GAREM1: variants seen among roughly 807,000 people sequenced by gnomAD.
GAREM1 encodes GRB2 associated regulator of MAPK1 subtype 1.
In GAREM1, 26 loss-of-function variants were observed where a neutral mutation model predicts 71.3. That is an observed-to-expected ratio of 0.36 (90% CI 0.27 to 0.51). The LOEUF is 0.51. Ranked by LOEUF, GAREM1 falls within the 20% of genes least tolerant of loss-of-function variation. The pLI is 0.95. For synonymous variants in GAREM1, 440 were observed against 433.2 expected, an observed-to-expected ratio of 1.02 and a Z score of -0.20; for missense variants, 1,026 against 1,103.1, an observed-to-expected ratio of 0.93 and a Z score of 0.99.
Position 32,470,213 on chromosome 18 carries a change from T to A in GAREM1, c.121+95A>T, listed in dbSNP as rs919333190. The A allele has an allele frequency of 1.8e-5, 23 of 1,283,552 alleles. No individual in the cohort carries two copies. Among genetic ancestry groups the A allele is most frequent in the Non-Finnish European group, 2.2e-5 (22 of 1,009,314 alleles). The allele number at this position is 1,283,552 out of a possible 1,614,324, so 79.5% of individuals were successfully genotyped here. On this transcript the variant is annotated intron_variant, in intron 1 of 5. Coordinates refer to ENST00000269209, the MANE Select transcript of GAREM1 (RefSeq NM_001242409.2). This position sits in a 1 kb window ranked among gnomAD's most constrained non-coding sequence, Gnocchi z 4.4. The stretch of plus-strand genomic sequence containing the variant: ...CGGCGCTCAGGGGCGGGCAGCCCAC[T>A]CCCCGCGGGTCCCACCCTCTCCAGC...
intron 3 of GAREM1, among the ~76,000 whole-genome samples, chr18:32,297,903 A>G (rs2047159192): frequency 6.6e-6 from 1 of 152,172 alleles, no homozygotes; most frequent in Admixed American, 6.5e-5. Context: ...TTAAATCAAT[A>G]TTTACTATAT....
At chr18:32,306,758 T>C (rs1470786336) in intron 3 of GAREM1, among the ~76,000 whole-genome samples, 4 of 152,220 alleles carry the variant, frequency 2.6e-5, no homozygotes, top group African/African-American at 7.2e-5. Flanking sequence ...ATTTCTTGTC[T>C]ACCTCCCCTA....
intron 3 of GAREM1, among the ~76,000 whole-genome samples, chr18:32,300,560 G>A (rs1300234825): frequency 6.6e-6 from 1 of 152,130 alleles, no homozygotes; most frequent in Non-Finnish European, 1.5e-5. Flanking sequence ...ATTATGACAA[G>A]AGTAGAATCA....
chr18:32,333,981 T>C (rs1037147004), intron 2 of GAREM1, among the ~76,000 whole-genome samples: 46 of 152,124 alleles, frequency 3.0e-4, no homozygotes, highest in African/African-American at 1.0e-3. Context: ...GGCCAGCCCC[T>C]AGATGGCTCC....
intron 2 of GAREM1, among the ~76,000 whole-genome samples, chr18:32,387,815 G>A (rs1483682630): frequency 1.3e-5 from 2 of 152,140 alleles, no homozygotes; most frequent in Admixed American, 6.5e-5. Context: ...AAAGTTTTAT[G>A]AAATTATTTT....
intron 2 of GAREM1, among the ~76,000 whole-genome samples, chr18:32,340,256 G>A (rs541897003): frequency 3.4e-4 from 52 of 152,338 alleles, no homozygotes; most frequent in African/African-American, 1.1e-3. Context: ...TTCTTGACAA[G>A]TGATGGGTGT....
chr18:32,313,565 A>G (rs2047346076), intron 2 of GAREM1, among the ~76,000 whole-genome samples: 1 of 152,184 alleles, frequency 6.6e-6, no homozygotes, highest in African/African-American at 2.4e-5. Flanking sequence ...GTATATCTGG[A>G]GAGAATAACA....
At chr18:32,377,018 G>A (rs1171834599) in intron 2 of GAREM1, among the ~76,000 whole-genome samples, 1 of 152,140 alleles carries the variant, frequency 6.6e-6, no homozygotes, top group African/African-American at 2.4e-5. Context: ...AGATATCTAT[G>A]AGATAAGTAT....
At chr18:32,418,246 G>A (rs1253096584) in intron 1 of GAREM1, among the ~76,000 whole-genome samples, 2 of 152,186 alleles carry the variant, frequency 1.3e-5, no homozygotes, top group African/African-American at 4.8e-5. Flanking sequence ...TTGTGAGATA[G>A]TCAAAATTAG....
rs370146050 is a variant in GAREM1 at position 32,399,031 on chromosome 18, A to C, written c.122-5996T>G. ...CTGGTTCAACATACGCAAATCAATA[A>C]ATGTAATCCAGCATATAAACAGAAC... is the stretch of plus-strand genomic sequence containing the variant. On this transcript the variant is annotated intron_variant, in intron 1 of 5. Coordinates refer to ENST00000269209, the MANE Select transcript of GAREM1 (RefSeq NM_001242409.2). Among the ~76,000 whole-genome samples, 102 of 152,350 alleles carry C rather than the reference A, an allele frequency of 6.7e-4. 1 individual carries two copies. The East Asian group carries it at 0.018, about 27-fold the overall frequency.
intron 2 of GAREM1, among the ~76,000 whole-genome samples, chr18:32,387,412 T>C (rs1567990477): frequency 6.6e-6 from 1 of 152,162 alleles, no homozygotes; most frequent in Non-Finnish European, 1.5e-5. Flanking sequence ...AATCTTGAGT[T>C]CTGTATTGTA....
intron 2 of GAREM1, among the ~76,000 whole-genome samples, chr18:32,349,509 TC>T (rs2047727644): frequency 6.6e-6 from 1 of 152,188 alleles, no homozygotes; most frequent in Admixed American, 6.5e-5. Context: ...TCTGATAAGT[TC>T]CATCTCCTAC....
At position 32,342,725 on chromosome 18, in the gene GAREM1, A is replaced by G. The variant is rs1598974990; in HGVS notation, c.263-32402T>C. 2.0e-5 allele frequency among the ~76,000 whole-genome samples: 3 copies of G among 152,350 alleles called. No individual in the cohort carries two copies. In the South Asian group the frequency reaches 6.2e-4, roughly 32 times the overall value. ...CCCCTTATACATACAAATTGAAAGG[A>G]AGAATAAATAATTGAATACTATACA... On this transcript the variant is annotated intron_variant, in intron 2 of 5. Transcript: ENST00000269209.
intron 3 of GAREM1, among the ~76,000 whole-genome samples, chr18:32,295,667 A>G (rs2144489390): frequency 6.6e-6 from 1 of 152,348 alleles, no homozygotes; most frequent in African/African-American, 2.4e-5. Context: ...TAATTTGTCA[A>G]TCAACAACAG....
intron 2 of GAREM1, among the ~76,000 whole-genome samples, chr18:32,335,673 T>C (rs2047584052): frequency 6.6e-6 from 1 of 152,238 alleles, no homozygotes; most frequent in African/African-American, 2.4e-5. Context: ...CTTGTATTTA[T>C]TTCTCAGAAA....
Position 32,393,196 on chromosome 18 carries a change from T to TA in GAREM1, c.122-162dup, listed in dbSNP as rs764232623. 1.0e-3 allele frequency among the ~76,000 whole-genome samples: 149 copies of TA among 145,018 alleles called. 1 individual carries two copies. In the South Asian group the frequency reaches 0.016, roughly 15 times the overall value. ...CTCTGAATTGTTTTTTTTTTTTTTTTAAAAAAGGGTATTCCACACCAAGCT... is the reference window on the plus strand; with the variant it reads ...CTCTGAATTGTTTTTTTTTTTTTTTTAAAAAAAGGGTATTCCACACCAAGCT... On this transcript the variant is annotated intron_variant, in intron 1 of 5. Coordinates refer to ENST00000269209, the MANE Select transcript of GAREM1 (RefSeq NM_001242409.2).
At chr18:32,293,358 T>C (rs536779103) in intron 3 of GAREM1, among the ~76,000 whole-genome samples, 2 of 152,160 alleles carry the variant, frequency 1.3e-5, no homozygotes, top group South Asian at 4.1e-4. Flanking sequence ...GATGGGAACA[T>C]GCCAAAAAGA....
chr18:32,326,440 A>G (rs1277024680), intron 2 of GAREM1, among the ~76,000 whole-genome samples: 1 of 152,172 alleles, frequency 6.6e-6, no homozygotes, highest in Non-Finnish European at 1.5e-5. Flanking sequence ...GGCTAGTAAA[A>G]CGCAAAGGCC....
chr18:32,386,172 T>G (rs774528828), intron 2 of GAREM1, among the ~76,000 whole-genome samples: 3 of 152,216 alleles, frequency 2.0e-5, no homozygotes, highest in African/African-American at 4.8e-5. Context: ...ACACAAAGTG[T>G]TGTTCAACAC....
Sources: gnomAD v4.1 joint callset for allele counts (sites outside exome capture counted in the v4.1 genomes callset) on GRCh38, gnomAD v4.1.1 for gene constraint, Gnocchi (gnomAD v3.1) non-coding constraint, MANE v1.5 for transcripts, NCBI Gene and HGNC (gene_info 2026-07-23, HGNC 2026-07-21) for gene names.